MYO5B: variants seen among roughly 807,000 people sequenced by gnomAD.
MYO5B encodes unconventional myosin-Vb.
Under a neutral mutation model 229.3 loss-of-function variants are expected in MYO5B, and 143 were observed. The ratio of observed to expected loss-of-function variants is 0.62; its 90% confidence interval spans 0.54 to 0.72. The LOEUF (loss-of-function observed/expected upper bound fraction) is 0.72. Ranked by LOEUF, MYO5B falls within the 30% of genes least tolerant of loss-of-function variation. The pLI is 0.00. For synonymous variants in MYO5B, 918 were observed against 885.2 expected (o/e 1.04, Z -0.66); for missense variants, 2,321 against 2,331.0 (o/e 1.00, Z 0.09).
At chr18:49,948,774 G>A (rs2025401907) in intron 14 of MYO5B, among the ~76,000 whole-genome samples, 1 of 144,690 alleles carries the variant, frequency 6.9e-6, no homozygotes. Context: ...ATAAGCAGCA[G>A]GAGGGAGAAG....
intron 20 of MYO5B, 151 bp downstream of exon 20, chr18:49,904,521 G>A: frequency 1.1e-6 from 1 of 922,634 alleles, no homozygotes; most frequent in Non-Finnish European, 1.7e-6. Flanking sequence ...TACCTTGTGG[G>A]ACTTCAGAAA....
At chr18:50,172,477 T>C (rs1001001632) in intron 1 of MYO5B, among the ~76,000 whole-genome samples, 1 of 152,132 alleles carries the variant, frequency 6.6e-6, no homozygotes, top group Non-Finnish European at 1.5e-5. Flanking sequence ...TTGTTATACA[T>C]GGAATTGGCC....
At chr18:50,007,351 T>C (rs1298198593) in intron 4 of MYO5B, among the ~76,000 whole-genome samples, 4 of 152,168 alleles carry the variant, frequency 2.6e-5, no homozygotes, top group Non-Finnish European at 5.9e-5. Flanking sequence ...TGTAGTCTGT[T>C]TCCTTCTCTG....
intron 1 of MYO5B, among the ~76,000 whole-genome samples, chr18:50,146,830 C>T (rs970329330): frequency 1.3e-5 from 2 of 152,066 alleles, no homozygotes; most frequent in African/African-American, 4.8e-5. Context: ...TGTGTAGACA[C>T]AGAAAATAGC....
chr18:49,853,147 T>C (rs1049998622), intron 31 of MYO5B, among the ~76,000 whole-genome samples: 1 of 152,236 alleles, frequency 6.6e-6, no homozygotes, highest in South Asian at 2.1e-4. Context: ...GGAGTCTCGC[T>C]GTTCCTGCTT....
intron 34 of MYO5B, among the ~76,000 whole-genome samples, 194 bp downstream of exon 34, chr18:49,843,047 G>T (rs1477403145): frequency 6.6e-6 from 1 of 152,238 alleles, no homozygotes; most frequent in East Asian, 1.9e-4. Context: ...TTCTGCCATT[G>T]CTGGGCCTGA....
Position 49,916,808 on chromosome 18 carries a change from C to A in MYO5B, c.2091-4635G>T, listed in dbSNP as rs144963000. Among the ~76,000 whole-genome samples the A allele has an allele frequency of 1.8e-4, 28 of 152,316 alleles. No homozygotes were observed. The East Asian group carries it at 5.0e-3, about 27-fold the overall frequency. The stretch of plus-strand genomic sequence containing the variant: ...AAGGACCCAGCATCAAATGTGAATT[C>A]TCCTTTCGGTGGATTTCTGTGAGAA... On this transcript the variant is annotated intron_variant, in intron 17 of 39. Transcript: ENST00000285039.
At chr18:50,192,210 T>C (rs964965564) in intron 1 of MYO5B, among the ~76,000 whole-genome samples, 4 of 152,208 alleles carry the variant, frequency 2.6e-5, no homozygotes, top group Non-Finnish European at 4.4e-5. Context: ...TTGAGCAAAG[T>C]TCGCACTTGA....
chr18:49,905,607 C>G (rs2024890148), intron 19 of MYO5B, among the ~76,000 whole-genome samples: 2 of 152,228 alleles, frequency 1.3e-5, no homozygotes, highest in South Asian at 4.1e-4. Flanking sequence ...ATCTGATTCC[C>G]TAGTCTAGCT....
intron 7 of MYO5B, among the ~76,000 whole-genome samples, chr18:49,988,568 A>C (rs2025896330): frequency 6.6e-6 from 1 of 152,194 alleles, no homozygotes. Flanking sequence ...ATTACCTTAG[A>C]ATTACAACTG....
At chr18:50,113,231 A>C (rs1324051788) in intron 1 of MYO5B, among the ~76,000 whole-genome samples, 1 of 152,222 alleles carries the variant, frequency 6.6e-6, no homozygotes, top group Non-Finnish European at 1.5e-5. Context: ...AACAGTGAAC[A>C]AAAAAGACAA....
In MYO5B at chr18:49,992,433, T is replaced by C; in HGVS notation, c.613-2A>G. On this transcript the variant is annotated splice_acceptor_variant, in intron 5 of 39. Transcript: ENST00000285039. LOFTEE classifies it high-confidence loss of function. ...GGTGGTCTTGGCATTTCCAATGGCC[T>C]GCACAGACCAGACAGACAAAGGTAT... The C allele has an allele frequency of 6.2e-7, 1 of 1,614,092 alleles. No individual in the cohort carries two copies. Among genetic ancestry groups the C allele is most frequent in the Non-Finnish European group, 8.5e-7 (1 of 1,179,996 alleles).
chr18:49,860,649 A>G (rs527291088), intron 29 of MYO5B, among the ~76,000 whole-genome samples: 2 of 152,332 alleles, frequency 1.3e-5, no homozygotes, highest in East Asian at 3.9e-4. Flanking sequence ...GAACTTGAGG[A>G]TCATGAATGC....
chr18:50,115,838 G>A (rs893348278), intron 1 of MYO5B, among the ~76,000 whole-genome samples: 2 of 152,060 alleles, frequency 1.3e-5, no homozygotes, highest in African/African-American at 4.8e-5. Flanking sequence ...GAGGGTAGTG[G>A]TAGGTAAAGT....
chr18:49,990,960 C>G (rs2025925221), intron 6 of MYO5B, among the ~76,000 whole-genome samples: 1 of 151,070 alleles, frequency 6.6e-6, no homozygotes, highest in South Asian at 2.1e-4. Flanking sequence ...GCTGGGCAGA[C>G]AGGAAAGGCC....
At chr18:49,916,062 G>A (rs529388805) in intron 17 of MYO5B, among the ~76,000 whole-genome samples, 2 of 152,184 alleles carry the variant, frequency 1.3e-5, no homozygotes, top group African/African-American at 4.8e-5. Flanking sequence ...CTTTAAAGCT[G>A]CCCTGCCCTT....
chr18:49,962,470 G>A, intron 11 of MYO5B, 64 bp from the exon 12 acceptor site: 1 of 1,608,376 alleles, frequency 6.2e-7, no homozygotes, highest in Middle Eastern at 1.7e-4. Context: ...ACCTCCCCCA[G>A]GGGCTCAGTG....
In MYO5B at chr18:50,085,277, A is replaced by G. The variant is rs575618130; in HGVS notation, c.28-29899T>C. Among the ~76,000 whole-genome samples the G allele has an allele frequency of 4.7e-3, 723 of 152,316 alleles. 5 individuals are homozygous for G. Among genetic ancestry groups the G allele is most frequent in the African/African-American group, 0.016 (671 of 41,566 alleles). On this transcript the variant is annotated intron_variant, in intron 1 of 39. Transcript: ENST00000285039. ...AAGGATATGAACAGACACTTCTCAA[A>G]AGAAGACATTTATGCAGCCAAAAAA...
rs79122694 is a variant in MYO5B, at chr18:50,135,225, AC to A, written c.27+59541del. On this transcript the variant is annotated intron_variant, in intron 1 of 39. Coordinates refer to ENST00000285039, the MANE Select transcript of MYO5B (RefSeq NM_001080467.3). ...ACTACTTTGGAAGAGAAAAATAGCC[AC>A]ATTTCCTTCCAATTTCACTTCTCTC... Among the ~76,000 whole-genome samples, 26 of 152,310 alleles carry A rather than the reference AC, an allele frequency of 1.7e-4. No homozygotes were observed. The East Asian group carries it at 4.1e-3, about 24-fold the overall frequency.
Sources: allele counts gnomAD v4.1 joint callset (sites outside exome capture counted in the v4.1 genomes callset), GRCh38; gene constraint gnomAD v4.1.1; transcripts MANE v1.5; gene names NCBI Gene and HGNC (gene_info 2026-07-23, HGNC 2026-07-21).